GALNT14: variants seen among roughly 807,000 people sequenced by gnomAD.
GALNT14 encodes the protein polypeptide N-acetylgalactosaminyltransferase 14.
A neutral mutation model predicts 77.5 loss-of-function variants in GALNT14; 60 were observed. That is an observed-to-expected ratio of 0.77 (90% CI 0.63 to 0.96). The LOEUF (loss-of-function observed/expected upper bound fraction) is 0.96. Ranked by LOEUF, GALNT14 falls within the 40% of genes least tolerant of loss-of-function variation. GALNT14 has a pLI of 0.00. For missense variants in GALNT14, 710 were observed against 731.0 expected, an observed-to-expected ratio of 0.97 and a Z score of 0.33; for synonymous variants, 280 against 281.7, an observed-to-expected ratio of 0.99 and a Z score of 0.06.
intron 2 of GALNT14, among the ~76,000 whole-genome samples, chr2:30,988,357 T>C (rs894455517): frequency 1.3e-5 from 2 of 151,888 alleles, no homozygotes; most frequent in African/African-American, 4.8e-5. Context: ...GAACCAGAAG[T>C]CCAGAGTGGG....
At chr2:30,989,904 T>C (rs1328560516) in intron 2 of GALNT14, among the ~76,000 whole-genome samples, 1 of 151,848 alleles carries the variant, frequency 6.6e-6, no homozygotes, top group African/African-American at 2.4e-5. Flanking sequence ...TCAGTATCCT[T>C]AGCCCCTGGG....
At chr2:31,105,043 T>C (rs1279561839) in intron 1 of GALNT14, among the ~76,000 whole-genome samples, 3 of 152,234 alleles carry the variant, frequency 2.0e-5, no homozygotes, top group South Asian at 4.1e-4. Flanking sequence ...GGTGACCAAG[T>C]GGTGAATATG....
At position 31,066,271 on chromosome 2, in the gene GALNT14, C is replaced by G. The variant is rs1030780100; in HGVS notation, c.129+71687G>C. On this transcript the variant is annotated intron_variant, in intron 1 of 14. Transcript: ENST00000349752. ...CCAGGGCATTACCATTAAGGGAGAC[C>G]GATGAAGAATTCCTAGCAGCCTCCC... Among the ~76,000 whole-genome samples the G allele has an allele frequency of 2.6e-5, 4 of 152,260 alleles. No individual in the cohort carries two copies. The South Asian group carries it at 6.2e-4, about 24-fold the overall frequency.
chr2:30,921,524 T>C (rs1448561985), intron 13 of GALNT14, among the ~76,000 whole-genome samples: 1 of 152,214 alleles, frequency 6.6e-6, no homozygotes, highest in Non-Finnish European at 1.5e-5. Flanking sequence ...GGAGTAGAGA[T>C]ATGATTCCTG....
intron 1 of GALNT14, among the ~76,000 whole-genome samples, chr2:31,041,740 G>A (rs1573224741): frequency 1.3e-5 from 2 of 152,228 alleles, no homozygotes; most frequent in East Asian, 3.9e-4. Context: ...GTGGGAATAT[G>A]CATTTGAAAA....
At chr2:31,011,363 AC>A (rs1167520946) in intron 1 of GALNT14, among the ~76,000 whole-genome samples, 1 of 152,202 alleles carries the variant, frequency 6.6e-6, no homozygotes, top group Non-Finnish European at 1.5e-5. Flanking sequence ...GTAAGAGCTG[AC>A]TTTTAGATCT....
Position 31,032,886 on chromosome 2 carries a change from A to C in GALNT14, c.130-39879T>G, listed in dbSNP as rs988245115. Among the ~76,000 whole-genome samples, 6 of 152,230 alleles carry C rather than the reference A, an allele frequency of 3.9e-5. No individual in the cohort carries two copies. The South Asian group carries it at 8.3e-4, about 21-fold the overall frequency. On this transcript the variant is annotated intron_variant, in intron 1 of 14. Coordinates refer to ENST00000349752, the MANE Select transcript of GALNT14 (RefSeq NM_024572.4). ...AAACAGCTGGACTCTGTAGAAGAAG[A>C]AGCTGGGAAGGTTGCATGCCATGTC...
At chr2:31,059,962 TC>T (rs1271335067) in intron 1 of GALNT14, among the ~76,000 whole-genome samples, 1 of 152,216 alleles carries the variant, frequency 6.6e-6, no homozygotes, top group African/African-American at 2.4e-5. Context: ...TTTCCCCTAC[TC>T]TTTCAATGGG....
intron 2 of GALNT14, among the ~76,000 whole-genome samples, chr2:30,972,929 C>G (rs1218717366): frequency 6.6e-6 from 1 of 152,188 alleles, no homozygotes; most frequent in Non-Finnish European, 1.5e-5. Context: ...AAGATGTGAC[C>G]TCAGCAAGGC....
At chr2:30,938,327 A>G (rs540123840) in intron 9 of GALNT14, among the ~76,000 whole-genome samples, 1 of 150,748 alleles carries the variant, frequency 6.6e-6, no homozygotes, top group East Asian at 2.0e-4. Context: ...ACACACACAC[A>G]CAGACTTTAT....
intron 1 of GALNT14, among the ~76,000 whole-genome samples, chr2:31,068,803 A>G (rs1383387643): frequency 6.6e-6 from 1 of 152,256 alleles, no homozygotes; most frequent in Non-Finnish European, 1.5e-5. Flanking sequence ...ATACAATGGA[A>G]TAATATTTGC....
rs547998952 is a variant in GALNT14 at position 30,923,012 on chromosome 2, G to T, written c.1380+1107C>A. 3.3e-5 allele frequency among the ~76,000 whole-genome samples: 5 copies of T among 151,300 alleles called. No homozygotes were observed. In the South Asian group the frequency reaches 1.0e-3, roughly 32 times the overall value. On this transcript the variant is annotated intron_variant, in intron 13 of 14. Transcript: ENST00000349752. The stretch of plus-strand genomic sequence containing the variant: ...ATGAATACCCGCCAGAAGGGTATGA[G>T]AGTGGGGGTGAGGAGTTAGCAAGGA...
chr2:30,958,799 C>A (rs940304969), intron 3 of GALNT14, among the ~76,000 whole-genome samples: 1 of 152,180 alleles, frequency 6.6e-6, no homozygotes, highest in Non-Finnish European at 1.5e-5. Context: ...CTTCTTATAT[C>A]TCTCCCCTGA....
At chr2:31,122,748 A>T (rs939078864) in intron 1 of GALNT14, among the ~76,000 whole-genome samples, 1 of 152,212 alleles carries the variant, frequency 6.6e-6, no homozygotes, top group Non-Finnish European at 1.5e-5. Context: ...TGTTTTCTAT[A>T]AAAATATACA....
intron 6 of GALNT14, among the ~76,000 whole-genome samples, chr2:30,948,504 T>C (rs1666837075): frequency 6.6e-6 from 1 of 152,266 alleles, no homozygotes; most frequent in Non-Finnish European, 1.5e-5. Flanking sequence ...GTTAGCCATG[T>C]CTATTTACTG....
rs184447294 is a variant in GALNT14, at chr2:31,105,095, C to T, written c.129+32863G>A. On this transcript the variant is annotated intron_variant, in intron 1 of 14. Transcript: ENST00000349752. ...TCTACATTTATCAGTTGTCATTTTT[C>T]GGTAAGGAAGAGTCTCTTCTCTTGC... Among the ~76,000 whole-genome samples, 401 of 152,288 alleles carry T rather than the reference C, an allele frequency of 2.6e-3. 1 individual carries two copies. Among genetic ancestry groups the T allele is most frequent in the Middle Eastern group, 0.014 (4 of 294 alleles).
chr2:31,079,758 C>G (rs1021082762), intron 1 of GALNT14, among the ~76,000 whole-genome samples: 5 of 152,166 alleles, frequency 3.3e-5, no homozygotes, highest in African/African-American at 1.2e-4. Context: ...GAGCACCCCA[C>G]GGGCTTCCTT....
At chr2:30,999,502 T>C (rs947807258) in intron 1 of GALNT14, among the ~76,000 whole-genome samples, 2 of 152,196 alleles carry the variant, frequency 1.3e-5, no homozygotes, top group African/African-American at 4.8e-5. Flanking sequence ...CACAGGAGTG[T>C]GAAACAGGTA....
rs531321909 is a variant in GALNT14, at chr2:30,930,634, G to C, written c.1059-1147C>G. On this transcript the variant is annotated intron_variant, in intron 10 of 14. Coordinates refer to ENST00000349752, the MANE Select transcript of GALNT14 (RefSeq NM_024572.4). The stretch of plus-strand genomic sequence containing the variant: ...CTGCTGAGGCCAAGTAAGGGAACTT[G>C]GGGCCTAACTGAAAAGGGGGTGCTC... Among the ~76,000 whole-genome samples the C allele has an allele frequency of 2.0e-5, 3 of 152,332 alleles. No homozygotes were observed. In the East Asian group the frequency reaches 5.8e-4, roughly 29 times the overall value.
Sources: allele counts gnomAD v4.1 joint callset (sites outside exome capture counted in the v4.1 genomes callset), GRCh38; gene constraint gnomAD v4.1.1; transcripts MANE v1.5; gene names NCBI Gene and HGNC (gene_info 2026-07-23, HGNC 2026-07-21).